RAB27B: variants seen among roughly 807,000 people sequenced by gnomAD.
RAB27B encodes RAB27B, member RAS oncogene family.
In RAB27B, 15 loss-of-function variants were observed where a neutral mutation model predicts 24.6. That is an observed-to-expected ratio of 0.61 (90% confidence interval 0.41 to 0.94). The LOEUF (loss-of-function observed/expected upper bound fraction) is 0.94, where lower values mean the gene tolerates loss of function less well. Ranked by LOEUF, RAB27B falls within the 40% of genes least tolerant of loss-of-function variation. RAB27B has a pLI of 0.00. For missense variants in RAB27B, 261 were observed against 266.8 expected (o/e 0.98, Z 0.15); for synonymous variants, 105 against 92.5 (o/e 1.14, Z -0.78).
At chr18:54,850,541 A>G (rs923796298) in intron 1 of RAB27B, among the ~76,000 whole-genome samples, 3 of 150,284 alleles carry the variant, frequency 2.0e-5, no homozygotes, top group African/African-American at 7.3e-5. Flanking sequence ...TATGTTTTGT[A>G]TGTTCAGTAG....
chr18:54,796,572 C>A (rs1311712513), intron 2 of RAB27B, among the ~76,000 whole-genome samples: 2 of 152,128 alleles, frequency 1.3e-5, no homozygotes, highest in Non-Finnish European at 2.9e-5. Flanking sequence ...CAGACTCCCC[C>A]CTCTCTCTTA....
intron 3 of RAB27B, among the ~76,000 whole-genome samples, chr18:54,883,636 C>T (rs1209742248): frequency 1.3e-5 from 2 of 152,048 alleles, no homozygotes; most frequent in African/African-American, 4.8e-5. Context: ...AAAAACTTTG[C>T]ATTGCACACG....
chr18:54,875,867 A>G (rs982297985), intron 1 of RAB27B, among the ~76,000 whole-genome samples: 1 of 152,192 alleles, frequency 6.6e-6, no homozygotes, highest in African/African-American at 2.4e-5. Context: ...ATATAAAAAC[A>G]AAAAATTGTT....
chr18:54,807,395 G>C (rs985760214), intron 2 of RAB27B, among the ~76,000 whole-genome samples: 5 of 152,156 alleles, frequency 3.3e-5, no homozygotes, highest in Admixed American at 6.5e-5. Context: ...TCAGCTTTTA[G>C]CAGTGGGCAG....
intron 3 of RAB27B, among the ~76,000 whole-genome samples, chr18:54,882,859 T>TAGTAGAGCATTGATATAATCTATGGG: frequency 6.6e-6 from 1 of 152,172 alleles, no homozygotes; most frequent in Admixed American, 6.5e-5. Context: ...AAAATGTCGT[T>TAGTAGAGCATTGATATAATCTATGGG]AGTAGAGCAT....
intron 2 of RAB27B, among the ~76,000 whole-genome samples, chr18:54,731,144 G>A (rs1375305915): frequency 6.6e-6 from 1 of 152,140 alleles, no homozygotes; most frequent in Non-Finnish European, 1.5e-5. Flanking sequence ...TCATAGTAGG[G>A]AAATAAATTT....
At chr18:54,720,292 G>C (rs2144969564) in intron 2 of RAB27B, among the ~76,000 whole-genome samples, 2 of 152,192 alleles carry the variant, frequency 1.3e-5, no homozygotes, top group East Asian at 3.9e-4. Flanking sequence ...CAGCCCAAGA[G>C]ATTCAGGTAG....
At chr18:54,859,155 C>T (rs1279801484) in intron 1 of RAB27B, among the ~76,000 whole-genome samples, 1 of 152,186 alleles carries the variant, frequency 6.6e-6, no homozygotes, top group East Asian at 1.9e-4. Flanking sequence ...GTGCCACAAA[C>T]TCCTTGTAGA....
chr18:54,831,297 C>T (rs1432521409), intron 1 of RAB27B, among the ~76,000 whole-genome samples: 1 of 151,932 alleles, frequency 6.6e-6, no homozygotes, highest in Non-Finnish European at 1.5e-5. Flanking sequence ...TAGATTGAAG[C>T]ATTCTGGCAT....
At chr18:54,756,639 G>A (rs1424626747) in intron 2 of RAB27B, among the ~76,000 whole-genome samples, 2 of 152,114 alleles carry the variant, frequency 1.3e-5, no homozygotes, top group Non-Finnish European at 2.9e-5. Flanking sequence ...GTATTTATGA[G>A]TCTGGGCAGG....
At chr18:54,856,636 A>C (rs557388806) in intron 1 of RAB27B, among the ~76,000 whole-genome samples, 1 of 152,352 alleles carries the variant, frequency 6.6e-6, no homozygotes, top group South Asian at 2.1e-4. Flanking sequence ...CACTAACAGA[A>C]CAGGGAATGT....
intron 3 of RAB27B, 81 bp downstream of exon 3, chr18:54,879,535 A>C: frequency 9.0e-7 from 1 of 1,115,936 alleles, no homozygotes; most frequent in South Asian, 1.3e-5. Flanking sequence ...GTGAACTTGA[A>C]AAACAAATAA....
At chr18:54,887,028 T>TCCCC (rs1913169568) in intron 4 of RAB27B, among the ~76,000 whole-genome samples, 1 of 27,132 alleles carries the variant, frequency 3.7e-5, no homozygotes, top group Non-Finnish European at 6.7e-5. Context: ...CCTTCCTCCC[T>TCCCC]CCCTCCCTCC....
At chr18:54,818,250 T>G (rs1910182212) in intron 2 of RAB27B, among the ~76,000 whole-genome samples, 1 of 152,220 alleles carries the variant, frequency 6.6e-6, no homozygotes, top group South Asian at 2.1e-4. Flanking sequence ...GGTCTTTGAA[T>G]TAAGACAGGG....
intron 1 of RAB27B, among the ~76,000 whole-genome samples, chr18:54,848,906 C>G (rs1027129581): frequency 2.6e-5 from 4 of 151,642 alleles, no homozygotes; most frequent in Admixed American, 2.6e-4. Context: ...TTTGTTCTTT[C>G]AAAAAAAGTA....
chr18:54,852,910 G>T (rs1911641852), intron 1 of RAB27B, among the ~76,000 whole-genome samples: 1 of 152,108 alleles, frequency 6.6e-6, no homozygotes, highest in Non-Finnish European at 1.5e-5. Context: ...TGAAATGCAG[G>T]ATGTAGACAC....
At chr18:54,842,630 A>G (rs1257788163) in intron 1 of RAB27B, among the ~76,000 whole-genome samples, 5 of 152,218 alleles carry the variant, frequency 3.3e-5, no homozygotes, top group African/African-American at 9.6e-5. Context: ...AACATTGACT[A>G]AAATAAATTT....
At chr18:54,757,235 G>A (rs1254422994) in intron 2 of RAB27B, among the ~76,000 whole-genome samples, 1 of 152,102 alleles carries the variant, frequency 6.6e-6, no homozygotes, top group East Asian at 1.9e-4. Context: ...ACAGAATAGG[G>A]GACCCTGGGA....
chr18:54,827,501 ATTGT>A (rs1462023515), upstream of RAB27B, among the ~76,000 whole-genome samples: 2 of 152,140 alleles, frequency 1.3e-5, no homozygotes, highest in Non-Finnish European at 2.9e-5. Flanking sequence ...CTAGTTTGCT[ATTGT>A]TTGTTTTGTG....
Sources: allele counts gnomAD v4.1 joint callset (sites outside exome capture counted in the v4.1 genomes callset), GRCh38; gene constraint gnomAD v4.1.1; transcripts MANE v1.5; gene names NCBI Gene and HGNC (gene_info 2026-07-23, HGNC 2026-07-21).